The following CDH12 variants were observed in gnomAD, a reference collection of about 807,000 sequenced individuals.
The protein encoded by CDH12 is cadherin 12.
In CDH12, 41 loss-of-function variants were observed where a neutral mutation model predicts 74.1. The observed-to-expected ratio is 0.55, with a 90% CI of 0.43 to 0.72. The LOEUF is 0.72. CDH12 is among the 30% of genes least tolerant of loss of function. The probability of loss-of-function intolerance (pLI) is 0.00; values close to 1 mark genes in which losing one functional copy is unlikely to be tolerated. For missense variants in CDH12, 945 were observed against 977.2 expected, an observed-to-expected ratio of 0.97 and a Z score of 0.44; for synonymous variants, 399 against 355.0, an observed-to-expected ratio of 1.12 and a Z score of -1.39.
At chr5:22,148,847 A>G (rs559613333) in intron 4 of CDH12, among the ~76,000 whole-genome samples, 79 of 152,268 alleles carry the variant, frequency 5.2e-4, no homozygotes, top group African/African-American at 1.8e-3. Context: ...CTGGCTGGGC[A>G]TGGTGGCTCA....
At chr5:22,624,205 AC>A (rs1413253866) in intron 1 of CDH12, among the ~76,000 whole-genome samples, 4 of 152,178 alleles carry the variant, frequency 2.6e-5, no homozygotes, top group Non-Finnish European at 4.4e-5. Flanking sequence ...AACCATAAAA[AC>A]CCTAGAAGAA....
At chr5:22,335,261 C>T (rs1050087039) in intron 3 of CDH12, among the ~76,000 whole-genome samples, 3 of 152,092 alleles carry the variant, frequency 2.0e-5, no homozygotes, top group Non-Finnish European at 4.4e-5. Flanking sequence ...GGAGGGACCC[C>T]GTGGGAGATG....
At chr5:21,843,549 T>A (rs1399232988) in intron 7 of CDH12, among the ~76,000 whole-genome samples, 1 of 151,866 alleles carries the variant, frequency 6.6e-6, no homozygotes, top group Non-Finnish European at 1.5e-5. Context: ...AGTTTCTCTC[T>A]TGTTGCCCAG....
chr5:22,419,334 G>A (rs1308802966), intron 2 of CDH12, among the ~76,000 whole-genome samples: 3 of 152,044 alleles, frequency 2.0e-5, no homozygotes, highest in African/African-American at 7.2e-5. Flanking sequence ...GCCCCAGTGT[G>A]TGTTGTTCCC....
At chr5:21,927,663 T>C (rs969436648) in intron 6 of CDH12, among the ~76,000 whole-genome samples, 17 of 151,924 alleles carry the variant, frequency 1.1e-4, no homozygotes, top group African/African-American at 3.6e-4. Context: ...AAGGAGTAAA[T>C]TATTAAATTA....
chr5:21,778,210 G>A (rs994335817), intron 11 of CDH12, among the ~76,000 whole-genome samples: 7 of 152,072 alleles, frequency 4.6e-5, no homozygotes, highest in African/African-American at 1.7e-4. Flanking sequence ...GTTGGTCCGA[G>A]CCTGGTCATC....
intron 1 of CDH12, among the ~76,000 whole-genome samples, chr5:22,534,801 T>A (rs539638034): frequency 9.6e-6 from 1 of 104,554 alleles, no homozygotes; most frequent in South Asian, 2.7e-4. Flanking sequence ...GTTTTGAGAT[T>A]TTTTTTTTTA....
intron 6 of CDH12, among the ~76,000 whole-genome samples, chr5:21,965,614 T>C (rs992245459): frequency 6.6e-6 from 1 of 151,968 alleles, no homozygotes; most frequent in Non-Finnish European, 1.5e-5. Flanking sequence ...TTTTTAATTT[T>C]CAAGTGTCAG....
intron 4 of CDH12, among the ~76,000 whole-genome samples, chr5:22,206,366 G>A (rs575997248): frequency 6.6e-6 from 1 of 152,082 alleles, no homozygotes; most frequent in African/African-American, 2.4e-5. Context: ...TGTCCAACTG[G>A]GGCTACATAA....
chr5:22,670,536 A>G (rs1049125730), intron 1 of CDH12, among the ~76,000 whole-genome samples: 2 of 152,122 alleles, frequency 1.3e-5, no homozygotes, highest in Non-Finnish European at 2.9e-5. Context: ...AAAAATACCA[A>G]TAACATTTAA....
chr5:22,318,474 C>T (rs560792967), intron 3 of CDH12, among the ~76,000 whole-genome samples: 1 of 152,188 alleles, frequency 6.6e-6, no homozygotes, highest in Non-Finnish European at 1.5e-5. Context: ...GGGGAGGCTC[C>T]TTTTCCCTAT....
At chr5:22,109,657 C>T (rs780615215) in intron 4 of CDH12, among the ~76,000 whole-genome samples, 15 of 152,130 alleles carry the variant, frequency 9.9e-5, no homozygotes, top group Non-Finnish European at 1.8e-4. Flanking sequence ...ATTGGAAACA[C>T]TCTGAATTTT....
intron 3 of CDH12, among the ~76,000 whole-genome samples, chr5:22,237,619 T>G (rs2150378846): frequency 6.6e-6 from 1 of 151,942 alleles, no homozygotes; most frequent in South Asian, 2.1e-4. Flanking sequence ...GAAATAAAGG[T>G]TTGTTGTTTA....
chr5:22,041,544 C>T (rs144867982), intron 5 of CDH12, among the ~76,000 whole-genome samples: 2,058 of 152,160 alleles, frequency 0.014, 45 homozygotes, highest in African/African-American at 0.047. Flanking sequence ...AAACAACAGA[C>T]TTCATGTTGA....
At chr5:22,801,975 C>T (rs1007360767) in intron 1 of CDH12, among the ~76,000 whole-genome samples, 6 of 151,838 alleles carry the variant, frequency 4.0e-5, no homozygotes, top group African/African-American at 1.5e-4. Flanking sequence ...CCATCTAATA[C>T]CATCCTTAAT....
At chr5:22,496,008 A>G (rs1177071349) in intron 2 of CDH12, among the ~76,000 whole-genome samples, 2 of 152,202 alleles carry the variant, frequency 1.3e-5, no homozygotes, top group Non-Finnish European at 2.9e-5. Context: ...GCAAATATGA[A>G]CTACATAATC....
chr5:21,918,143 A>C (rs978960380), intron 6 of CDH12, among the ~76,000 whole-genome samples: 7 of 70,072 alleles, frequency 1.0e-4, no homozygotes, highest in African/African-American at 2.0e-4. Context: ...TGCTATTTTT[A>C]AAAGATTTTT....
chr5:22,044,406 G>A (rs747492579), intron 5 of CDH12, among the ~76,000 whole-genome samples: 1 of 152,172 alleles, frequency 6.6e-6, no homozygotes, highest in East Asian at 1.9e-4. Flanking sequence ...GGGGAAGTGA[G>A]GCATGTCTTA....
chr5:22,467,520 T>C (rs1181025653), intron 2 of CDH12, among the ~76,000 whole-genome samples: 1 of 152,212 alleles, frequency 6.6e-6, no homozygotes, highest in Non-Finnish European at 1.5e-5. Flanking sequence ...TATATTTTAA[T>C]ATTTTGTTAA....
Sources: gnomAD v4.1 joint callset for allele counts (sites outside exome capture counted in the v4.1 genomes callset) on GRCh38, gnomAD v4.1.1 for gene constraint, MANE v1.5 for transcripts, NCBI Gene and HGNC (gene_info 2026-07-23, HGNC 2026-07-21) for gene names.